Variants in CUX2 observed in about 807,000 individuals in gnomAD.
CUX2 encodes the protein cut like homeobox 2.
A neutral mutation model predicts 144.8 loss-of-function variants in CUX2; 40 were observed. The observed-to-expected ratio is 0.28, with a 90% CI of 0.21 to 0.36. The LOEUF (loss-of-function observed/expected upper bound fraction) is 0.36, where lower values mean the gene tolerates loss of function less well. Ranked by LOEUF, CUX2 falls within the 10% of genes least tolerant of loss-of-function variation. CUX2 has a pLI of 1.00. For missense variants in CUX2, 1,615 were observed against 1,994.0 expected, an observed-to-expected ratio of 0.81 and a Z score of 3.62; for synonymous variants, 827 against 875.6, an observed-to-expected ratio of 0.94 and a Z score of 0.98.
At chr12:111,308,564 C>G in intron 14 of CUX2, 38 bp downstream of exon 14, 2 of 1,549,732 alleles carry the variant, frequency 1.3e-6, no homozygotes, top group Non-Finnish European at 1.8e-6. Context: ...AGGGCTGGGG[C>G]GGGGGCTGCC....
chr12:111,208,617 C>T lies in CUX2; in HGVS notation c.64-5583C>T, dbSNP rs79320882. Among the ~76,000 whole-genome samples, 693 of 152,274 alleles carry T rather than the reference C, an allele frequency of 4.6e-3. 4 individuals carry two copies. Among genetic ancestry groups the T allele is most frequent in the African/African-American group, 0.016 (671 of 41,544 alleles). ...AAAAGTATCTGTGCCTCCGTTTTCTCATCTTTAAATGGGAGACTCAGATAT... is the reference window on the plus strand; with the variant it reads ...AAAAGTATCTGTGCCTCCGTTTTCTTATCTTTAAATGGGAGACTCAGATAT... On this transcript the variant is annotated intron_variant, in intron 1 of 21. Transcript: ENST00000261726.
In CUX2 at chr12:111,160,253, A is replaced by T. The variant is rs1877667850; in HGVS notation, c.64-53947A>T. On this transcript the variant is annotated intron_variant, in intron 1 of 21. Transcript: ENST00000261726. The surrounding 1 kb of genome is among the most constrained non-coding windows in gnomAD (Gnocchi z 4.1). ...TTACAAATTGTGATTCTGCAAAGAA[A>T]CAGCATGCCATGGTTTGGAGGGCTA... 6.6e-6 allele frequency among the ~76,000 whole-genome samples: 1 copy of T among 152,194 alleles called. No individual in the cohort carries two copies. The highest frequency in any genetic ancestry group is 2.1e-4 in the South Asian group (1 of 4,828).
At chr12:111,071,801 T>C (rs951184550) in intron 1 of CUX2, among the ~76,000 whole-genome samples, 1 of 152,238 alleles carries the variant, frequency 6.6e-6, no homozygotes, top group Non-Finnish European at 1.5e-5. Flanking sequence ...TGTGTCTCTA[T>C]TGATTTTTAT....
intron 1 of CUX2, among the ~76,000 whole-genome samples, chr12:111,130,685 C>A (rs980902218): frequency 6.6e-6 from 1 of 152,206 alleles, no homozygotes; most frequent in African/African-American, 2.4e-5. Context: ...AATAACAAAT[C>A]CACTCTACTG....
intron 16 of CUX2, among the ~76,000 whole-genome samples, chr12:111,318,147 C>T (rs1300027664): frequency 6.6e-6 from 1 of 151,778 alleles, no homozygotes; most frequent in Non-Finnish European, 1.5e-5. Flanking sequence ...AAACATGGCT[C>T]ACTGCCACCT....
At chr12:111,182,396 G>A (rs543891134) in intron 1 of CUX2, among the ~76,000 whole-genome samples, 14 of 152,268 alleles carry the variant, frequency 9.2e-5, no homozygotes, top group South Asian at 2.1e-4. Context: ...ACAGCCCGGC[G>A]GCCAGCATCC....
chr12:111,187,393 GT>G (rs1158291955), intron 1 of CUX2, among the ~76,000 whole-genome samples: 1 of 152,144 alleles, frequency 6.6e-6, no homozygotes, highest in Non-Finnish European at 1.5e-5. Context: ...TTGCCTAAAA[GT>G]CACCTCTTCC....
chr12:111,098,520 T>G (rs1872981220), intron 1 of CUX2, among the ~76,000 whole-genome samples: 1 of 152,122 alleles, frequency 6.6e-6, no homozygotes, highest in African/African-American at 2.4e-5. Context: ...TAGATACGCA[T>G]CTCTGGAGGG....
intron 3 of CUX2, among the ~76,000 whole-genome samples, chr12:111,258,108 A>T (rs1329983477): frequency 2.0e-5 from 3 of 152,222 alleles, no homozygotes; most frequent in African/African-American, 7.2e-5. Flanking sequence ...ATCCTGCCCC[A>T]ACAGCTTTGT....
intron 1 of CUX2, among the ~76,000 whole-genome samples, chr12:111,089,805 TAAGC>T (rs1872455122): frequency 6.6e-6 from 1 of 152,196 alleles, no homozygotes; most frequent in South Asian, 2.1e-4. Context: ...GCTTGAGCAT[TAAGC>T]AGGCAAAAAG....
intron 1 of CUX2, among the ~76,000 whole-genome samples, chr12:111,173,245 C>A (rs1283444935): frequency 6.6e-6 from 1 of 152,214 alleles, no homozygotes. Context: ...ATTTGATGGT[C>A]ATTCCCATAC....
intron 9 of CUX2, among the ~76,000 whole-genome samples, chr12:111,301,058 T>C (rs1446233505): frequency 2.4e-5 from 3 of 126,282 alleles, no homozygotes; most frequent in African/African-American, 1.0e-4. Flanking sequence ...AAAAAAAAAA[T>C]CCAGCTTATA....
rs1886642712 is a variant in CUX2 at position 111,307,418 on chromosome 12, G to A, written c.1109+161G>A. On this transcript the variant is annotated intron_variant, in intron 12 of 21. Coordinates refer to ENST00000261726, the MANE Select transcript of CUX2 (RefSeq NM_015267.4). This position sits in a 1 kb window ranked among gnomAD's most constrained non-coding sequence, Gnocchi z 4.1. ...CTTAACCATCCTCAGGCCAGGTGCAGTGGCTCATCCCTGTAATCCCAACAC... is the reference window on the plus strand; with the variant it reads ...CTTAACCATCCTCAGGCCAGGTGCAATGGCTCATCCCTGTAATCCCAACAC... Among the ~76,000 whole-genome samples the A allele has an allele frequency of 1.3e-5, 2 of 152,214 alleles. No homozygotes were observed. Among genetic ancestry groups the A allele is most frequent in the South Asian group, 4.1e-4 (2 of 4,836 alleles).
At chr12:111,213,703 C>G (rs958483172) in intron 1 of CUX2, among the ~76,000 whole-genome samples, 1 of 152,158 alleles carries the variant, frequency 6.6e-6, no homozygotes, top group Non-Finnish European at 1.5e-5. Flanking sequence ...TATTTATGAA[C>G]CTTTAAGTGT....
intron 1 of CUX2, among the ~76,000 whole-genome samples, chr12:111,045,432 C>T (rs1869951477): frequency 6.6e-6 from 1 of 152,126 alleles, no homozygotes; most frequent in African/African-American, 2.4e-5. Context: ...CAAGTCCTGC[C>T]CTCATAAAGC....
intron 1 of CUX2, among the ~76,000 whole-genome samples, chr12:111,134,272 C>A (rs1321936380): frequency 6.6e-6 from 1 of 152,202 alleles, no homozygotes; most frequent in Non-Finnish European, 1.5e-5. Context: ...TCTGGCATAT[C>A]AAGTGGGCCT....
Position 111,308,458 on chromosome 12 carries a change from T to A in CUX2, c.1190T>A (p.Ile397Asn). ...GMAKPEDSLL[I>N]AKEAFFPTQK... ...GCCAAGCCTGAAGACTCACTGCTTA[T>A]TGCAAAGGAGGCCTTCTTCCCCACG... is the stretch of plus-strand genomic sequence containing the variant. The change falls in exon 14 of 22, where the codon ATT becomes AAT. Residue 397 changes from isoleucine (I) to asparagine (N), a missense_variant. Transcript: ENST00000261726. 4 of 1,614,124 alleles carry A rather than the reference T, an allele frequency of 2.5e-6. No individual in the cohort carries two copies. Among genetic ancestry groups the A allele is most frequent in the Non-Finnish European group, 3.4e-6 (4 of 1,180,006 alleles).
chr12:111,049,932 C>T (rs151338632), intron 1 of CUX2, among the ~76,000 whole-genome samples: 4 of 152,308 alleles, frequency 2.6e-5, no homozygotes, highest in East Asian at 3.9e-4. Context: ...CAGCCCCTAA[C>T]CTCTGCATGG....
At chr12:111,154,558 A>T (rs965884825) in intron 1 of CUX2, among the ~76,000 whole-genome samples, 1 of 152,176 alleles carries the variant, frequency 6.6e-6, no homozygotes, top group African/African-American at 2.4e-5. Flanking sequence ...GCAAAATATT[A>T]TTTATGAAGG....
Sources: allele counts gnomAD v4.1 joint callset (sites outside exome capture counted in the v4.1 genomes callset), GRCh38; gene constraint gnomAD v4.1.1; non-coding constraint Gnocchi (gnomAD v3.1); transcripts MANE v1.5; gene names NCBI Gene and HGNC (gene_info 2026-07-23, HGNC 2026-07-21).